The following SIPA1L2 variants were observed in gnomAD, a reference collection of about 807,000 sequenced individuals.
The protein encoded by SIPA1L2 is signal induced proliferation associated 1 like 2.
Under a neutral mutation model 163.9 loss-of-function variants are expected in SIPA1L2, and 56 were observed. The ratio of observed to expected loss-of-function variants is 0.34; its 90% CI spans 0.28 to 0.43. The LOEUF (loss-of-function observed/expected upper bound fraction) is 0.43. Ranked by LOEUF, SIPA1L2 falls within the 20% of genes least tolerant of loss-of-function variation. The pLI is 1.00. For synonymous variants in SIPA1L2, 877 were observed against 865.7 expected, an observed-to-expected ratio of 1.01 and a Z score of -0.23; for missense variants, 1,974 against 2,193.5, an observed-to-expected ratio of 0.90 and a Z score of 2.00.
At chr1:232,570,765 A>C (rs1048140626) in intron 2 of SIPA1L2, among the ~76,000 whole-genome samples, 1 of 152,198 alleles carries the variant, frequency 6.6e-6, no homozygotes, top group Non-Finnish European at 1.5e-5. Flanking sequence ...TTAATTTTAA[A>C]ACAAGAGAGA....
chr1:232,418,745 A>AT (rs1250969618), intron 18 of SIPA1L2, among the ~76,000 whole-genome samples: 7 of 152,166 alleles, frequency 4.6e-5, no homozygotes, highest in Admixed American at 2.6e-4. Context: ...TGTTGGTGAC[A>AT]TTTTTTCTTT....
chr1:232,480,154 C>CGTGTGTGTGT (rs536840154), intron 6 of SIPA1L2, among the ~76,000 whole-genome samples: 292 of 132,814 alleles, frequency 2.2e-3, no homozygotes, highest in Middle Eastern at 3.8e-3. Flanking sequence ...TGTGTGTGTG[C>CGTGTGTGTGT]GTGTGTGTGT....
intron 2 of SIPA1L2, among the ~76,000 whole-genome samples, chr1:232,563,528 A>G (rs1659163642): frequency 6.6e-6 from 1 of 152,192 alleles, no homozygotes; most frequent in Non-Finnish European, 1.5e-5. Flanking sequence ...TGATGATTAC[A>G]TTATAATAAT....
At chr1:232,469,557 T>G (rs1384829913) in intron 8 of SIPA1L2, among the ~76,000 whole-genome samples, 7 of 152,174 alleles carry the variant, frequency 4.6e-5, no homozygotes, top group African/African-American at 1.7e-4. Context: ...ATGAGGCACT[T>G]CCAAAAATGT....
rs1258662541 is a variant in SIPA1L2 at position 232,465,399 on chromosome 1, G to A, written c.2261C>T (p.Ser754Leu). The A allele has an allele frequency of 1.2e-6, 2 of 1,608,932 alleles. No individual in the cohort carries two copies. Among genetic ancestry groups the A allele is most frequent in the African/African-American group, 1.3e-5 (1 of 74,826 alleles). ...NVCYSVGVSR[S>L]KDVPPFGPPI... ...TGGGCCAAATGGTGGCACATCTTTT[G>A]ATCTGGAAACTCCAACACTGAGGAA... The change falls in exon 9 of 23, where the codon TCA (serine) becomes TTA (leucine). Residue 754 changes from serine (S) to leucine (L), a missense_variant. By Grantham distance (145) the Ser-to-Leu change is moderately radical. Around this residue, in one of 3 missense-constraint regions of SIPA1L2, gnomAD observed 288 missense variants for 418.9 expected, o/e 0.69. Coordinates refer to ENST00000674635, the MANE Select transcript of SIPA1L2 (RefSeq NM_020808.5). This position sits in a 1 kb window ranked among gnomAD's most constrained non-coding sequence, Gnocchi z 4.1.
At chr1:232,470,363 C>T (rs942227262) in intron 8 of SIPA1L2, among the ~76,000 whole-genome samples, 22 of 152,198 alleles carry the variant, frequency 1.4e-4, no homozygotes, top group Middle Eastern at 6.8e-3. Flanking sequence ...TTTAATAAGG[C>T]GACTGGGAAG....
chr1:232,480,154 CGTGT>C (rs536840154), intron 6 of SIPA1L2, among the ~76,000 whole-genome samples: 5,195 of 132,740 alleles, frequency 0.039, 89 homozygotes, highest in African/African-American at 0.057. Context: ...TGTGTGTGTG[CGTGT>C]GTGTGTGTGT....
Position 232,471,468 on chromosome 1 carries a change from C to T in SIPA1L2, c.2146G>A (p.Ala716Thr). Residue 716 changes from alanine (A) to threonine (T), a missense_variant, in exon 8 of 23, where the codon GCA becomes ACA. Physicochemically the swap from Ala to Thr is moderately conservative, Grantham distance 58. Transcript: ENST00000674635. ...IVTIVFQEPG[A>T]LPFTPKSIRS... Reference sequence around the variant, plus strand: ...ATGCTTTTTGGAGTAAAAGGAAGTGCCCCAGGCTCCTGGAAGACGATGGTG... The same window carrying T: ...ATGCTTTTTGGAGTAAAAGGAAGTGTCCCAGGCTCCTGGAAGACGATGGTG... 2 of 1,613,978 alleles carry T rather than the reference C, an allele frequency of 1.2e-6. No individual in the cohort carries two copies. Among genetic ancestry groups the T allele is most frequent in the Non-Finnish European group, 1.7e-6 (2 of 1,179,928 alleles).
rs1379914173 is a variant in SIPA1L2 at position 232,490,945 on chromosome 1, T to C, written c.1735A>G (p.Ile579Val). 6.2e-7 allele frequency: 1 copy of C among 1,614,166 alleles called. No individual in the cohort carries two copies. ...TTGGAAGCCTGTCGCAAACACTGAA[T>C]GCTCAGCTCTGGAATGACGTATTCC... ...VLEYVIPELS[I>V]QCLRQASNSP... is the part of the protein sequence containing the mutation. The change falls in exon 5 of 23, where the codon ATT becomes GTT. Residue 579 changes from isoleucine (I) to valine (V), a missense_variant. Transcript: ENST00000674635.
chr1:232,426,011 T>C (rs1469471161), intron 17 of SIPA1L2, among the ~76,000 whole-genome samples: 1 of 152,194 alleles, frequency 6.6e-6, no homozygotes, highest in Non-Finnish European at 1.5e-5. Context: ...GATTTTATGT[T>C]TTCCTCCTTT....
intron 1 of SIPA1L2, among the ~76,000 whole-genome samples, chr1:232,613,915 C>T (rs945784173): frequency 6.6e-6 from 1 of 152,166 alleles, no homozygotes; most frequent in African/African-American, 2.4e-5. Flanking sequence ...TCCAGCAAGT[C>T]TTTATTCCGA....
At chr1:232,556,602 A>G (rs1449044643) in intron 2 of SIPA1L2, among the ~76,000 whole-genome samples, 1 of 152,186 alleles carries the variant, frequency 6.6e-6, no homozygotes, top group Non-Finnish European at 1.5e-5. Context: ...AAACAAACAG[A>G]GACAGAAACA....
chr1:232,576,339 TTA>T (rs1279047846), intron 1 of SIPA1L2, among the ~76,000 whole-genome samples: 2 of 152,244 alleles, frequency 1.3e-5, no homozygotes, highest in Non-Finnish European at 2.9e-5. Context: ...GTCATTACTT[TTA>T]TGTTTGTTAT....
intron 1 of SIPA1L2, among the ~76,000 whole-genome samples, chr1:232,598,035 GC>G (rs1324002595): frequency 6.6e-6 from 1 of 152,144 alleles, no homozygotes; most frequent in Non-Finnish European, 1.5e-5. Flanking sequence ...CCTCAGCCTG[GC>G]CATGATCTCT....
At chr1:232,413,874 G>C (rs567471773) in intron 19 of SIPA1L2, among the ~76,000 whole-genome samples, 39 of 152,232 alleles carry the variant, frequency 2.6e-4, no homozygotes, top group Non-Finnish European at 4.4e-4. Flanking sequence ...GTCAGAGTGA[G>C]AGACTGTAGT....
intron 16 of SIPA1L2, among the ~76,000 whole-genome samples, chr1:232,429,163 T>C (rs932811276): frequency 6.6e-6 from 1 of 152,248 alleles, no homozygotes. Flanking sequence ...ATTACTGTTT[T>C]TAGCTCCTTT....
rs146759842 is a variant in SIPA1L2, at chr1:232,454,632, G to A, written c.3095+6255C>T. On this transcript the variant is annotated intron_variant, in intron 10 of 22. Coordinates refer to ENST00000674635, the MANE Select transcript of SIPA1L2 (RefSeq NM_020808.5). Reference sequence around the variant, plus strand: ...AATGGCTGTCCACTATGGTAGCCACGGTGTAACCTGTCAAGCATGAGATGG... The same window carrying A: ...AATGGCTGTCCACTATGGTAGCCACAGTGTAACCTGTCAAGCATGAGATGG... 2.0e-3 allele frequency among the ~76,000 whole-genome samples: 312 copies of A among 152,264 alleles called. 2 individuals carry two copies. The highest frequency in any genetic ancestry group is 7.1e-3 in the African/African-American group (294 of 41,554).
chr1:232,441,834 A>G lies in SIPA1L2; in HGVS notation c.3472T>C (p.Ser1158Pro). The G allele has an allele frequency of 6.2e-7, 1 of 1,613,604 alleles. No individual in the cohort carries two copies. Among genetic ancestry groups the G allele is most frequent in the Non-Finnish European group, 8.5e-7 (1 of 1,179,854 alleles). The change falls in exon 13 of 23, where the codon TCA becomes CCA. Residue 1158 changes from serine (S) to proline (P), a missense_variant. This residue lies in a region of SIPA1L2 where 1,079 missense variants were observed against 1,150.7 expected (regional missense o/e 0.94). Transcript: ENST00000674635. ...GCTCCGTCACATTCCAAAGGGCCTG[A>G]GCCCTGGTGTTCGAGCAGTAGAGGG... is the stretch of plus-strand genomic sequence containing the variant. ...QSPLLLEHQG[S>P]GPLECDGARE...
chr1:232,608,708 T>C (rs1175324179), intron 1 of SIPA1L2, among the ~76,000 whole-genome samples: 2 of 152,118 alleles, frequency 1.3e-5, no homozygotes, highest in African/African-American at 2.4e-5. Context: ...CACGAGGAGA[T>C]CCATGCACAG....
Sources: allele counts gnomAD v4.1 joint callset (sites outside exome capture counted in the v4.1 genomes callset), GRCh38; gene constraint gnomAD v4.1.1; regional missense constraint gnomAD v4.1.1; non-coding constraint Gnocchi (gnomAD v3.1); transcripts MANE v1.5; gene names NCBI Gene and HGNC (gene_info 2026-07-23, HGNC 2026-07-21).